The following SGMS1 variants were observed in gnomAD, a reference collection of about 807,000 sequenced individuals.
SGMS1 encodes the protein sphingomyelin synthase 1.
In SGMS1, 13 loss-of-function variants were observed where a neutral mutation model predicts 46.2. The observed-to-expected ratio is 0.28, with a 90% CI of 0.18 to 0.45. The LOEUF (loss-of-function observed/expected upper bound fraction) is 0.45. SGMS1 is among the 20% of genes least tolerant of loss of function. The pLI is 1.00. For missense variants in SGMS1, 324 were observed against 519.9 expected (o/e 0.62, Z 3.66); for synonymous variants, 203 against 187.8 (o/e 1.08, Z -0.66).
intron 6 of SGMS1, among the ~76,000 whole-genome samples, chr10:50,349,605 T>C (rs1310062259): frequency 6.6e-6 from 1 of 152,226 alleles, no homozygotes; most frequent in African/African-American, 2.4e-5. Flanking sequence ...TCTCCTCATG[T>C]GTTGTGGGAG....
intron 1 of SGMS1, among the ~76,000 whole-genome samples, chr10:50,593,469 T>C (rs200254922): frequency 6.6e-6 from 1 of 152,300 alleles, no homozygotes; most frequent in East Asian, 1.9e-4. Context: ...ATAAAATAAA[T>C]CTCATGTACC....
chr10:50,464,678 C>T (rs929258723), intron 4 of SGMS1, among the ~76,000 whole-genome samples: 1 of 152,222 alleles, frequency 6.6e-6, no homozygotes, highest in African/African-American at 2.4e-5. Flanking sequence ...AAGTGATTTG[C>T]CCGCCTTGGC....
In SGMS1 at chr10:50,429,791, T is replaced by C. The variant is rs867109455; in HGVS notation, c.-232+3685A>G. Among the ~76,000 whole-genome samples, 10 of 152,058 alleles carry C rather than the reference T, an allele frequency of 6.6e-5. No homozygotes were observed. In the South Asian group the frequency reaches 2.1e-3, roughly 32 times the overall value. On this transcript the variant is annotated intron_variant, in intron 6 of 10. Transcript: ENST00000361781. ...ACTTGTTTATGTCCTGGTTAGTTTC[T>C]TAAATCTCTCAAGAATTTTAAAAGA...
intron 6 of SGMS1, among the ~76,000 whole-genome samples, chr10:50,351,059 G>A (rs1220090201): frequency 1.3e-5 from 2 of 152,144 alleles, no homozygotes; most frequent in Admixed American, 6.5e-5. Flanking sequence ...CAAAGCCAAA[G>A]GGGTGGGGCT....
chr10:50,347,122 A>G (rs1847926989), intron 6 of SGMS1, among the ~76,000 whole-genome samples: 1 of 152,164 alleles, frequency 6.6e-6, no homozygotes, highest in African/African-American at 2.4e-5. Context: ...TCCCTGTCAC[A>G]CCTTCCTGTG....
intron 8 of SGMS1, among the ~76,000 whole-genome samples, chr10:50,317,798 C>A (rs201476318): frequency 1.5e-5 from 2 of 137,464 alleles, no homozygotes; most frequent in Non-Finnish European, 3.1e-5. Flanking sequence ...AAAGTTATTT[C>A]TTTCTTTTTT....
intron 3 of SGMS1, among the ~76,000 whole-genome samples, chr10:50,507,101 A>C (rs1837713648): frequency 6.6e-6 from 1 of 152,182 alleles, no homozygotes; most frequent in Admixed American, 6.5e-5. Context: ...ACAAGATCAC[A>C]CAGCCCATTG....
intron 8 of SGMS1, among the ~76,000 whole-genome samples, chr10:50,322,641 G>C (rs1395503554): frequency 6.6e-6 from 1 of 151,208 alleles, no homozygotes; most frequent in Non-Finnish European, 1.5e-5. Flanking sequence ...GACCATCCTG[G>C]CTAACAAGGT....
chr10:50,366,224 A>G (rs1262026197), intron 6 of SGMS1, among the ~76,000 whole-genome samples: 1 of 152,228 alleles, frequency 6.6e-6, no homozygotes, highest in African/African-American at 2.4e-5. Flanking sequence ...AACTTAAACA[A>G]ATTTATAAGA....
rs548116636 is a variant in SGMS1 at position 50,382,605 on chromosome 10, C to T, written c.-231-38260G>A. On this transcript the variant is annotated intron_variant, in intron 6 of 10. Transcript: ENST00000361781. ...CACACACACACACAACTTCCCCACT[C>T]CATTCTGACCAAAAAAAAAACACAC... Among the ~76,000 whole-genome samples the T allele has an allele frequency of 3.6e-5, 5 of 138,404 alleles. No homozygotes were observed. In the East Asian group the frequency reaches 1.1e-3, roughly 30 times the overall value. 90.8% of individuals were successfully genotyped at this position (138,404 alleles called of 152,430 possible). A position where few individuals can be genotyped will look rare whatever the true frequency, so the allele number is the denominator to read the frequency against.
At chr10:50,531,913 A>C (rs1837956760) in intron 2 of SGMS1, among the ~76,000 whole-genome samples, 1 of 152,192 alleles carries the variant, frequency 6.6e-6, no homozygotes, top group African/African-American at 2.4e-5. Flanking sequence ...ATGGTCAGTA[A>C]CCAGCATGCA....
intron 3 of SGMS1, among the ~76,000 whole-genome samples, chr10:50,492,636 G>A (rs751995249): frequency 2.1e-4 from 32 of 152,134 alleles, no homozygotes; most frequent in Admixed American, 5.9e-4. Flanking sequence ...ACAAACCACT[G>A]CTCAAAGAAA....
intron 2 of SGMS1, among the ~76,000 whole-genome samples, chr10:50,520,615 C>A (rs889380634): frequency 6.6e-6 from 1 of 152,182 alleles, no homozygotes; most frequent in African/African-American, 2.4e-5. Flanking sequence ...TCTACCAACC[C>A]TTGCTCCAAA....
chr10:50,624,134 G>T (rs971902872), upstream of SGMS1: 1 of 985,246 alleles, frequency 1.0e-6, no homozygotes, highest in Non-Finnish European at 1.2e-6. Flanking sequence ...TGGGCCCCTT[G>T]AATTTTACTT....
At chr10:50,322,949 T>A (rs1363368019) in intron 8 of SGMS1, among the ~76,000 whole-genome samples, 2 of 151,536 alleles carry the variant, frequency 1.3e-5, no homozygotes, top group African/African-American at 2.4e-5. Flanking sequence ...GTATCAAAAA[T>A]TTGGCAGCCT....
chr10:50,417,198 G>C (rs187465097), intron 6 of SGMS1, among the ~76,000 whole-genome samples: 2 of 152,108 alleles, frequency 1.3e-5, no homozygotes, highest in Non-Finnish European at 1.5e-5. Flanking sequence ...CCAAACTCTT[G>C]CAAGAAAATA....
chr10:50,400,402 T>C (rs1327925346), intron 6 of SGMS1, among the ~76,000 whole-genome samples: 1 of 1,370 alleles, frequency 7.3e-4, no homozygotes, highest in Non-Finnish European at 1.4e-3. Flanking sequence ...CTGGCATATA[T>C]ATATATATAT....
intron 8 of SGMS1, among the ~76,000 whole-genome samples, chr10:50,324,979 A>C (rs191838227): frequency 6.6e-6 from 1 of 152,362 alleles, no homozygotes; most frequent in Admixed American, 6.5e-5. Context: ...AAAAAGGAAA[A>C]GCATTTTAAG....
chr10:50,609,240 G>A (rs1222699752), intron 1 of SGMS1, among the ~76,000 whole-genome samples: 1 of 152,030 alleles, frequency 6.6e-6, no homozygotes, highest in African/African-American at 2.4e-5. Flanking sequence ...CAAAGTGCTG[G>A]GATTACAGAC....
Sources: gnomAD v4.1 joint callset for allele counts (sites outside exome capture counted in the v4.1 genomes callset) on GRCh38, gnomAD v4.1.1 for gene constraint, MANE v1.5 for transcripts, NCBI Gene and HGNC (gene_info 2026-07-23, HGNC 2026-07-21) for gene names.